The following CCSER1 variants were observed in gnomAD, a reference collection of about 807,000 sequenced individuals.
CCSER1 encodes coiled-coil serine rich protein 1.
CCSER1 carries 41 observed loss-of-function variants against 82.0 expected under a neutral mutation model. The ratio of observed to expected loss-of-function variants is 0.50; its 90% CI spans 0.39 to 0.65. The LOEUF (loss-of-function observed/expected upper bound fraction) is 0.65, where lower values mean the gene tolerates loss of function less well. CCSER1 is among the 30% of genes least tolerant of loss of function. The pLI, the probability that CCSER1 is intolerant of heterozygous loss-of-function variation, is 0.00. For missense variants in CCSER1, 1,119 were observed against 1,064.2 expected (o/e 1.05, Z -0.72); for synonymous variants, 414 against 383.9 (o/e 1.08, Z -0.92).
intron 10 of CCSER1, among the ~76,000 whole-genome samples, chr4:91,373,662 C>T (rs1244449621): frequency 6.6e-6 from 1 of 152,014 alleles, no homozygotes; most frequent in Non-Finnish European, 1.5e-5. Flanking sequence ...AGTTAATGAC[C>T]CTACAATGGC....
chr4:91,112,035 G>A (rs1215490948), intron 10 of CCSER1, among the ~76,000 whole-genome samples: 1 of 151,968 alleles, frequency 6.6e-6, no homozygotes, highest in Non-Finnish European at 1.5e-5. Flanking sequence ...GTAACTGTGG[G>A]GAAAGCACTT....
At chr4:90,661,387 T>A (rs1176197729) in intron 6 of CCSER1, among the ~76,000 whole-genome samples, 3 of 152,196 alleles carry the variant, frequency 2.0e-5, no homozygotes, top group Non-Finnish European at 4.4e-5. Context: ...AGTGTGCAGT[T>A]GCTTTTCTGA....
At chr4:90,807,324 G>C (rs1464381916) in intron 7 of CCSER1, among the ~76,000 whole-genome samples, 1 of 152,162 alleles carries the variant, frequency 6.6e-6, no homozygotes, top group Non-Finnish European at 1.5e-5. Context: ...TATTAAAAAT[G>C]AGTATAATCC....
intron 7 of CCSER1, among the ~76,000 whole-genome samples, chr4:90,736,052 A>G (rs1209832918): frequency 6.6e-6 from 1 of 152,060 alleles, no homozygotes; most frequent in Non-Finnish European, 1.5e-5. Context: ...ATTTTATTCT[A>G]TTGTGGTCAA....
At chr4:91,078,077 G>A (rs62311031) in intron 9 of CCSER1, among the ~76,000 whole-genome samples, 5 of 152,204 alleles carry the variant, frequency 3.3e-5, no homozygotes, top group African/African-American at 4.8e-5. Context: ...CCTGTCTGGC[G>A]GCTTTGAAGA....
At chr4:91,149,592 TAG>T (rs1429826895) in intron 10 of CCSER1, among the ~76,000 whole-genome samples, 1 of 152,232 alleles carries the variant, frequency 6.6e-6, no homozygotes, top group African/African-American at 2.4e-5. Flanking sequence ...GGTTTTCTGC[TAG>T]AGTTTTTATC....
intron 10 of CCSER1, among the ~76,000 whole-genome samples, chr4:91,520,166 T>C (rs1760375634): frequency 6.6e-6 from 1 of 152,342 alleles, no homozygotes; most frequent in South Asian, 2.1e-4. Flanking sequence ...TTCCTTTGTT[T>C]ATTTTAATAT....
intron 10 of CCSER1, among the ~76,000 whole-genome samples, chr4:91,302,355 T>A (rs1436244049): frequency 6.6e-6 from 1 of 152,026 alleles, no homozygotes; most frequent in African/African-American, 2.4e-5. Flanking sequence ...AAGCAGCAAA[T>A]CTTGTTAGCT....
intron 10 of CCSER1, among the ~76,000 whole-genome samples, chr4:91,560,931 A>T (rs564950576): frequency 3.3e-5 from 5 of 151,478 alleles, no homozygotes; most frequent in African/African-American, 1.2e-4. Context: ...GTGCTTACAC[A>T]TTTCCAAGGA....
chr4:90,335,325 T>A (rs1177430405), intron 3 of CCSER1, among the ~76,000 whole-genome samples: 2 of 152,198 alleles, frequency 1.3e-5, no homozygotes, highest in Non-Finnish European at 2.9e-5. Context: ...ATCCAATTCA[T>A]GCGTAAAGTG....
chr4:90,632,499 A>G (rs977591836), intron 6 of CCSER1, among the ~76,000 whole-genome samples: 1 of 152,062 alleles, frequency 6.6e-6, no homozygotes, highest in African/African-American at 2.4e-5. Context: ...TCAATAAAAT[A>G]TAATTTTGAA....
intron 8 of CCSER1, among the ~76,000 whole-genome samples, chr4:90,857,986 TATAAC>T (rs1264432466): frequency 6.6e-6 from 1 of 152,116 alleles, no homozygotes; most frequent in African/African-American, 2.4e-5. Context: ...ATATGTATCT[TATAAC>T]ATCATGTTAT....
chr4:91,267,586 T>C (rs1338499374), intron 10 of CCSER1, among the ~76,000 whole-genome samples: 1 of 152,224 alleles, frequency 6.6e-6, no homozygotes, highest in Non-Finnish European at 1.5e-5. Flanking sequence ...ATGTCAAGTC[T>C]TTCAGGCCCT....
intron 1 of CCSER1, among the ~76,000 whole-genome samples, chr4:90,255,714 A>C (rs1277058500): frequency 1.3e-5 from 2 of 152,186 alleles, no homozygotes; most frequent in Admixed American, 1.3e-4. Flanking sequence ...TAGTTGTTGC[A>C]ATCATCCAAA....
At chr4:90,603,858 C>T (rs1403303990) in intron 5 of CCSER1, among the ~76,000 whole-genome samples, 1 of 152,140 alleles carries the variant, frequency 6.6e-6, no homozygotes, top group Non-Finnish European at 1.5e-5. Flanking sequence ...GTACTCAAGT[C>T]TCCTTCATGG....
At chr4:91,367,148 A>AC (rs1452049192) in intron 10 of CCSER1, among the ~76,000 whole-genome samples, 2 of 147,414 alleles carry the variant, frequency 1.4e-5, no homozygotes, top group African/African-American at 5.1e-5. Flanking sequence ...AAAAAAAAAA[A>AC]AAGAGAAAAA....
At chr4:91,320,253 C>T (rs765700307) in intron 10 of CCSER1, among the ~76,000 whole-genome samples, 1 of 151,924 alleles carries the variant, frequency 6.6e-6, no homozygotes, top group Non-Finnish European at 1.5e-5. Context: ...GTCAAGGTTG[C>T]TAAGATCTAC....
intron 5 of CCSER1, among the ~76,000 whole-genome samples, chr4:90,534,955 A>G (rs1405930700): frequency 6.6e-6 from 1 of 152,218 alleles, no homozygotes; most frequent in Non-Finnish European, 1.5e-5. Context: ...TCTTGGATCT[A>G]CTGAATCAGA....
chr4:90,649,741 A>T (rs1336746978), intron 6 of CCSER1: 13 of 152,206 alleles, frequency 8.5e-5, no homozygotes, highest in Admixed American at 8.5e-4. Flanking sequence ...TAACTAAAGC[A>T]CTCTGAGCTT....
Sources: allele counts gnomAD v4.1 joint callset (sites outside exome capture counted in the v4.1 genomes callset), GRCh38; gene constraint gnomAD v4.1.1; transcripts MANE v1.5; gene names NCBI Gene and HGNC (gene_info 2026-07-23, HGNC 2026-07-21).